DBT: variants seen among roughly 807,000 people sequenced by gnomAD.
DBT encodes dihydrolipoamide branched chain transacylase E2, also known as lipoamide acyltransferase component of branched-chain alpha-keto acid dehydrogenase complex, mitochondrial.
Under a neutral mutation model 51.3 loss-of-function variants are expected in DBT, and 40 were observed. The observed-to-expected ratio is 0.78, with a 90% confidence interval of 0.61 to 1.02. DBT has a LOEUF of 1.02. Among genes scored for constraint, DBT ranks in the 50% least tolerant of loss-of-function variants. The pLI is 0.00. For synonymous variants in DBT, 181 were observed against 190.4 expected (o/e 0.95, Z 0.41); for missense variants, 510 against 580.2 (o/e 0.88, Z 1.24).
intron 7 of DBT, among the ~76,000 whole-genome samples, chr1:100,212,501 C>T (rs1662209708): frequency 6.6e-6 from 1 of 151,352 alleles, no homozygotes; most frequent in African/African-American, 2.4e-5. Flanking sequence ...TGTGCCACTG[C>T]ACTCCAGCAG....
intron 10 of DBT, among the ~76,000 whole-genome samples, chr1:100,199,035 C>T (rs1432159934): frequency 6.6e-6 from 1 of 152,144 alleles, no homozygotes; most frequent in African/African-American, 2.4e-5. Flanking sequence ...CTCAGTGGTC[C>T]TCAACCCTGA....
chr1:100,242,890 C>T (rs887324208), intron 1 of DBT, among the ~76,000 whole-genome samples: 3 of 151,940 alleles, frequency 2.0e-5, no homozygotes, highest in African/African-American at 7.2e-5. Context: ...CAACACAACT[C>T]GTATTGAACT....
At chr1:100,213,115 C>T (rs78484645) in intron 7 of DBT, among the ~76,000 whole-genome samples, 2,706 of 152,342 alleles carry the variant, frequency 0.018, 47 homozygotes, top group Non-Finnish European at 0.027. Flanking sequence ...AGTTTCTCAA[C>T]CTCTCTGAGC....
intron 4 of DBT, among the ~76,000 whole-genome samples, chr1:100,224,855 A>T (rs762242889): frequency 1.1e-4 from 16 of 151,304 alleles, no homozygotes; most frequent in Non-Finnish European, 2.1e-4. Context: ...TCTCTACTAA[A>T]AATATGAAAA....
Position 100,195,985 on chromosome 1 carries a change from G to A in DBT, c.*270C>T, listed in dbSNP as rs1162847713. On this transcript the variant is annotated 3_prime_UTR_variant, in exon 11 of 11. Coordinates refer to ENST00000370132, the MANE Select transcript of DBT (RefSeq NM_001918.5). ...CGGCCTAATTTTGTTAATCTTGCCAGTTTCAAGCCATTGACACAAAAACAT... is the reference window on the plus strand; with the variant it reads ...CGGCCTAATTTTGTTAATCTTGCCAATTTCAAGCCATTGACACAAAAACAT... 4.3e-6 allele frequency: 2 copies of A among 468,258 alleles called. No homozygotes were observed. The highest frequency in any genetic ancestry group is 7.8e-6 in the Non-Finnish European group (2 of 257,850). 29.0% of individuals were successfully genotyped at this position (468,258 alleles called of 1,614,324 possible).
intron 4 of DBT, among the ~76,000 whole-genome samples, chr1:100,220,489 C>T (rs541212464): frequency 2.0e-5 from 3 of 152,190 alleles, no homozygotes; most frequent in Admixed American, 6.5e-5. Context: ...ATAGTCTATT[C>T]ATTCCTCTTT....
chr1:100,218,203 G>A (rs539563861), intron 5 of DBT, among the ~76,000 whole-genome samples: 56 of 152,262 alleles, frequency 3.7e-4, no homozygotes, highest in African/African-American at 1.3e-3. Flanking sequence ...CTTTGGGACA[G>A]GCCAGATGCT....
At chr1:100,237,937 A>G (rs1663979428) in intron 2 of DBT, among the ~76,000 whole-genome samples, 2 of 152,182 alleles carry the variant, frequency 1.3e-5, no homozygotes, top group African/African-American at 2.4e-5. Context: ...CACTCTGCCC[A>G]GCACAGAAGT....
At chr1:100,226,318 T>C (rs574547833) in intron 4 of DBT, among the ~76,000 whole-genome samples, 28 of 148,410 alleles carry the variant, frequency 1.9e-4, no homozygotes, top group Non-Finnish European at 3.0e-4. Flanking sequence ...CAGGGTCCTG[T>C]TGTTACCCAG....
chr1:100,244,098 A>C (rs905748562), intron 1 of DBT, among the ~76,000 whole-genome samples: 2 of 72,178 alleles, frequency 2.8e-5, no homozygotes, highest in African/African-American at 6.5e-5. Flanking sequence ...GTTTAAGTAG[A>C]GGGGTCTGGT....
chr1:100,235,037 T>G (rs1014752210), intron 3 of DBT, among the ~76,000 whole-genome samples: 4 of 152,224 alleles, frequency 2.6e-5, no homozygotes, highest in Admixed American at 2.6e-4. Context: ...TTGGACAATT[T>G]TTTAATGTTT....
At position 100,190,464 on chromosome 1, in the gene DBT, T is replaced by C. The variant is rs2101814898; in HGVS notation, c.*5791A>G. ...GGTTTATGGACACATAACATTACCC[T>C]GCCACAATGAAATTTGTAGAGGTCT... On this transcript the variant is annotated 3_prime_UTR_variant, in exon 11 of 11. Transcript: ENST00000370132. 1 of 152,332 alleles carries C rather than the reference T, an allele frequency of 6.6e-6. No homozygotes were observed. The allele number at this position is 152,332 out of a possible 1,614,324, so 9.4% of individuals were successfully genotyped here.
intron 3 of DBT, among the ~76,000 whole-genome samples, chr1:100,233,468 T>C (rs979513414): frequency 6.6e-6 from 1 of 152,250 alleles, no homozygotes; most frequent in Non-Finnish European, 1.5e-5. Context: ...CTTCATTTTA[T>C]AGAACACAAT....
chr1:100,203,003 C>A (rs1425772051), intron 10 of DBT, among the ~76,000 whole-genome samples: 3 of 152,046 alleles, frequency 2.0e-5, no homozygotes, highest in Non-Finnish European at 4.4e-5. Flanking sequence ...CAGGAAAGAT[C>A]TAAAATCAAC....
intron 2 of DBT, among the ~76,000 whole-genome samples, chr1:100,239,534 T>C (rs1300269580): frequency 6.7e-6 from 1 of 148,446 alleles, no homozygotes; most frequent in Non-Finnish European, 1.5e-5. Context: ...CCCATCACTT[T>C]GAGAGGTGAG....
chr1:100,220,956 A>G (rs1473451816), intron 4 of DBT, among the ~76,000 whole-genome samples: 1 of 152,244 alleles, frequency 6.6e-6, no homozygotes, highest in Admixed American at 6.5e-5. Flanking sequence ...TGTGGAACCA[A>G]GATCCAAACG....
chr1:100,225,351 C>T (rs1663129809), intron 4 of DBT, among the ~76,000 whole-genome samples: 1 of 151,782 alleles, frequency 6.6e-6, no homozygotes, highest in Admixed American at 6.6e-5. Context: ...TGGGATCTGG[C>T]TTCTTTCACT....
intron 1 of DBT, among the ~76,000 whole-genome samples, chr1:100,246,201 T>C (rs947486792): frequency 3.9e-5 from 6 of 152,088 alleles, no homozygotes; most frequent in African/African-American, 1.4e-4. Context: ...GAGGTTGCAG[T>C]GAGCTGAGAT....
Position 100,223,938 on chromosome 1 carries a change from A to G in DBT, c.434-5191T>C, listed in dbSNP as rs900542656. Among the ~76,000 whole-genome samples the G allele has an allele frequency of 2.6e-5, 4 of 152,286 alleles. No individual in the cohort carries two copies. In the South Asian group the frequency reaches 8.3e-4, roughly 32 times the overall value. On this transcript the variant is annotated intron_variant, in intron 4 of 10. Coordinates refer to ENST00000370132, the MANE Select transcript of DBT (RefSeq NM_001918.5). ...ATACAAGTTGGCATACCTGAGTCCA[A>G]TAAACTGTTTTGAAGTAGAGGTCTG...
Sources: gnomAD v4.1 joint callset for allele counts (sites outside exome capture counted in the v4.1 genomes callset) on GRCh38, gnomAD v4.1.1 for gene constraint, MANE v1.5 for transcripts, NCBI Gene and HGNC (gene_info 2026-07-23, HGNC 2026-07-21) for gene names.